The following SHPRH variants were observed in gnomAD, a reference collection of about 807,000 sequenced individuals.
SHPRH encodes the protein E3 ubiquitin-protein ligase SHPRH.
In SHPRH, 106 loss-of-function variants were observed where a neutral mutation model predicts 202.5. That is an observed-to-expected ratio of 0.52 (90% CI 0.45 to 0.62). SHPRH has a LOEUF of 0.62. Among genes scored for constraint, SHPRH ranks in the 20% least tolerant of loss-of-function variants. The probability of loss-of-function intolerance (pLI) is 0.00; values close to 1 mark genes in which losing one functional copy is unlikely to be tolerated. For synonymous variants in SHPRH, 729 were observed against 686.0 expected, an observed-to-expected ratio of 1.06 and a Z score of -0.98; for missense variants, 1,710 against 2,020.0, an observed-to-expected ratio of 0.85 and a Z score of 2.94.
chr6:145,912,873 C>T (rs937896728), intron 24 of SHPRH, among the ~76,000 whole-genome samples: 4 of 151,880 alleles, frequency 2.6e-5, no homozygotes, highest in African/African-American at 9.7e-5. Context: ...ATAGATTTAT[C>T]ATAGAAAGCA....
At chr6:145,867,327 C>CA (rs1050773210) in intron 2 of SHPRH, among the ~76,000 whole-genome samples, 1 of 151,844 alleles carries the variant, frequency 6.6e-6, no homozygotes, top group Non-Finnish European at 1.5e-5. Context: ...TAATGACCCC[C>CA]AAAATACCAG....
intron 25 of SHPRH, chr6:145,908,909 CTTGAG>C (rs1253943464): frequency 6.6e-6 from 1 of 151,976 alleles, no homozygotes; most frequent in Non-Finnish European, 1.5e-5. Flanking sequence ...TTTAATCTAT[CTTGAG>C]TTAATTTTTG....
chr6:145,931,412 G>A (rs963466532), intron 14 of SHPRH, among the ~76,000 whole-genome samples: 2 of 151,816 alleles, frequency 1.3e-5, no homozygotes, highest in African/African-American at 4.8e-5. Flanking sequence ...GGGTGCAGTG[G>A]TGCAATCTCA....
chr6:145,963,544 T>C lies in SHPRH; in HGVS notation c.-33+187A>G, dbSNP rs79608667. Among the ~76,000 whole-genome samples the C allele has an allele frequency of 4.4e-3, 669 of 152,304 alleles. 22 individuals carry two copies. The East Asian group carries it at 0.1, about 24-fold the overall frequency. ...TAAACATAGCAACTACCAGTCAAAC[T>C]GTACAATGTCAAAGAGTGGTTCTGA... On this transcript the variant is annotated intron_variant, in intron 1 of 29. Coordinates refer to ENST00000275233, the MANE Select transcript of SHPRH (RefSeq NM_001042683.3).
downstream of SHPRH, among the ~76,000 whole-genome samples, chr6:145,879,910 C>CAAAAAAAAAAAAAAAAAAAAAA (rs67055862): frequency 6.5e-5 from 4 of 61,108 alleles, no homozygotes; most frequent in African/African-American, 7.1e-5. Context: ...AACTCAATCT[C>CAAAAAAAAAAAAAAAAAAAAAA]AAAAAAAAAA....
intron 1 of SHPRH, among the ~76,000 whole-genome samples, chr6:145,957,348 A>G (rs1184342679): frequency 6.6e-6 from 1 of 152,168 alleles, no homozygotes; most frequent in African/African-American, 2.4e-5. Flanking sequence ...CTATGTAAGA[A>G]TATGATAAAC....
Position 145,954,962 on chromosome 6 carries a change from G to C in SHPRH, c.361C>G (p.Leu121Val). The stretch of plus-strand genomic sequence containing the variant: ...AAACTCTGTGCAGGAAGAAGCTGAA[G>C]AGTTAATTCTCCTAGAAATGCTTTC... ...SWKAFLGELT[L>V]QLLPAQSLIE... Residue 121 changes from leucine to valine, a missense_variant, in exon 2 of 30, where the codon CTT (leucine) becomes GTT (valine). Leu to Val is a conservative substitution (Grantham distance 32). Coordinates refer to ENST00000275233, the MANE Select transcript of SHPRH (RefSeq NM_001042683.3). 1 of 1,613,782 alleles carries C rather than the reference G, an allele frequency of 6.2e-7. No individual in the cohort carries two copies. The highest frequency in any genetic ancestry group is 8.5e-7 in the Non-Finnish European group (1 of 1,179,920).
rs376645186 is a variant in SHPRH at position 145,963,908 on chromosome 6, T to C, written c.-210A>G. On this transcript the variant is annotated 5_prime_UTR_variant, in exon 1 of 30. An upstream start codon of the reference 5' UTR is lost. Coordinates refer to ENST00000275233, the MANE Select transcript of SHPRH (RefSeq NM_001042683.3). Reference sequence around the variant, plus strand: ...GACAAACACCGCAGGCCCCAGTGCATGAGGAGAAGCACAGCCTCCTTTCCC... The same window carrying C: ...GACAAACACCGCAGGCCCCAGTGCACGAGGAGAAGCACAGCCTCCTTTCCC... 6.6e-6 allele frequency: 1 copy of C among 152,374 alleles called. No homozygotes were observed. The highest frequency in any genetic ancestry group is 1.9e-4 in the East Asian group (1 of 5,180). 9.4% of individuals were successfully genotyped at this position (152,374 alleles called of 1,614,324 possible).
intron 11 of SHPRH, among the ~76,000 whole-genome samples, chr6:145,936,580 G>C (rs1377416666): frequency 6.6e-6 from 1 of 152,074 alleles, no homozygotes; most frequent in African/African-American, 2.4e-5. Context: ...TCCCACCTCA[G>C]CCTCCCAAAG....
intron 2 of SHPRH, among the ~76,000 whole-genome samples, chr6:145,872,845 A>G (rs1780115770): frequency 6.6e-6 from 1 of 152,266 alleles, no homozygotes; most frequent in African/African-American, 2.4e-5. Flanking sequence ...ATGGAATACT[A>G]TGCAGGCATA....
At chr6:145,921,118 TAA>T (rs1309494567) in intron 21 of SHPRH, 47 bp downstream of exon 21, 14 of 1,517,806 alleles carry the variant, frequency 9.2e-6, no homozygotes, top group Non-Finnish European at 1.3e-5. Context: ...AAAATTGATG[TAA>T]AAAAGAAGAA....
At chr6:145,944,363 G>T (rs992419395) in intron 8 of SHPRH, among the ~76,000 whole-genome samples, 1 of 152,090 alleles carries the variant, frequency 6.6e-6, no homozygotes, top group African/African-American at 2.4e-5. Context: ...GGTTTCAAAG[G>T]GGTCTACTGG....
Position 145,941,793 on chromosome 6 carries a change from C to T in SHPRH, c.2320G>A (p.Val774Ile). 6.2e-7 allele frequency: 1 copy of T among 1,613,974 alleles called. No homozygotes were observed. The highest frequency in any genetic ancestry group is 8.5e-7 in the Non-Finnish European group (1 of 1,179,958). ...ACATAATTTAATTCTGAACGCAGTA[C>T]ATCATAGGTAATGATAACTATATCC... The part of the protein sequence containing the change: ...EQDIVIITYD[V>I]LRSELNYVDI... Residue 774 changes from valine (V) to isoleucine (I), a missense_variant, in exon 10 of 30, where the codon GTA becomes ATA. Physicochemically the swap from Val to Ile is conservative, Grantham distance 29 (BLOSUM62 3). Transcript: ENST00000275233.
chr6:145,961,423 A>G (rs1789078795), intron 1 of SHPRH, among the ~76,000 whole-genome samples: 1 of 152,206 alleles, frequency 6.6e-6, no homozygotes, highest in Admixed American at 6.5e-5. Flanking sequence ...ATTTCCACTC[A>G]AAGTATAGAG....
intron 1 of SHPRH, among the ~76,000 whole-genome samples, chr6:145,958,805 A>G (rs1788766226): frequency 1.3e-5 from 2 of 152,156 alleles, no homozygotes; most frequent in South Asian, 4.1e-4. Context: ...TAGTGACATC[A>G]TAGCCATTGT....
At position 145,952,920 on chromosome 6, in the gene SHPRH, A is replaced by AG. The variant is rs1239262106; in HGVS notation, c.634-443_634-442insC. On this transcript the variant is annotated intron_variant, in intron 2 of 29. Coordinates refer to ENST00000275233, the MANE Select transcript of SHPRH (RefSeq NM_001042683.3). ...ATCAAACACTAAAACGTGTAAAAAAACAGACCTTGATTAATGTTAATATTT... is the reference window on the plus strand; with the variant it reads ...ATCAAACACTAAAACGTGTAAAAAAAGCAGACCTTGATTAATGTTAATATTT... 2.0e-5 allele frequency among the ~76,000 whole-genome samples: 3 copies of AG among 152,116 alleles called. No individual in the cohort carries two copies. In the East Asian group the frequency reaches 5.8e-4, roughly 29 times the overall value.
intron 16 of SHPRH, 45 bp downstream of exon 16, chr6:145,926,159 T>C (rs1181541415): frequency 6.6e-7 from 1 of 1,525,916 alleles, no homozygotes; most frequent in Non-Finnish European, 9.1e-7. Flanking sequence ...AGCATAAAGT[T>C]TGAAGAAAAT....
chr6:145,954,527 G>T (rs911145116), intron 2 of SHPRH, among the ~76,000 whole-genome samples, 163 bp downstream of exon 2: 1 of 152,110 alleles, frequency 6.6e-6, no homozygotes, highest in Non-Finnish European at 1.5e-5. Flanking sequence ...AAAATGATTA[G>T]TTGTAACATA....
chr6:145,872,529 C>A (rs142386643), intron 2 of SHPRH, among the ~76,000 whole-genome samples: 126 of 152,052 alleles, frequency 8.3e-4, no homozygotes, highest in African/African-American at 3.0e-3. Context: ...ATTAAAAAGT[C>A]AAAAAATGAC....
Sources: gnomAD v4.1 joint callset for allele counts (sites outside exome capture counted in the v4.1 genomes callset) on GRCh38, gnomAD v4.1.1 for gene constraint, MANE v1.5 for transcripts, NCBI Gene and HGNC (gene_info 2026-07-23, HGNC 2026-07-21) for gene names.